PROSER1: variants seen among roughly 807,000 people sequenced by gnomAD.
PROSER1 encodes the protein proline and serine rich 1, also known as proline and serine-rich protein 1.
A neutral mutation model predicts 71.8 loss-of-function variants in PROSER1; 36 were observed. The observed-to-expected ratio is 0.50, with a 90% CI of 0.38 to 0.66. The LOEUF (loss-of-function observed/expected upper bound fraction) is 0.66. Among genes scored for constraint, PROSER1 ranks in the 30% least tolerant of loss-of-function variants. The pLI is 0.00. For missense variants in PROSER1, 1,107 were observed against 1,135.0 expected, an observed-to-expected ratio of 0.98 and a Z score of 0.35; for synonymous variants, 490 against 452.4, an observed-to-expected ratio of 1.08 and a Z score of -1.06.
intron 2 of PROSER1, among the ~76,000 whole-genome samples, chr13:39,033,408 C>G (rs760279742): frequency 2.6e-5 from 4 of 152,216 alleles, no homozygotes; most frequent in African/African-American, 7.2e-5. Flanking sequence ...CAATGAAAAG[C>G]TGGACCATTT....
At chr13:39,014,589 G>A in intron 10 of PROSER1, 113 bp from the exon 11 acceptor site, 1 of 782,626 alleles carries the variant, frequency 1.3e-6, no homozygotes, top group South Asian at 1.9e-5. Context: ...AATAAAAAAT[G>A]ACAAGTATAA....
intron 1 of PROSER1, among the ~76,000 whole-genome samples, chr13:39,034,744 T>C (rs1267695307): frequency 1.3e-5 from 2 of 152,180 alleles, no homozygotes; most frequent in Admixed American, 6.5e-5. Context: ...GTGTAGACTT[T>C]GAGAGGCATT....
chr13:39,015,013 T>A (rs989925030), intron 10 of PROSER1, among the ~76,000 whole-genome samples: 1 of 151,120 alleles, frequency 6.6e-6, no homozygotes, highest in Non-Finnish European at 1.5e-5. Flanking sequence ...CCCACCCCCA[T>A]ACATTTGCTC....
chr13:39,014,249 T>C lies in PROSER1; in HGVS notation c.1003A>G (p.Thr335Ala), dbSNP rs749078904. Residue 335 changes from threonine (T) to alanine (A), a missense_variant, in exon 11 of 13, where the codon ACA becomes GCA. Physicochemically the swap from Thr to Ala is moderately conservative, Grantham distance 58. Transcript: ENST00000352251. The stretch of plus-strand genomic sequence containing the variant: ...GGCAATGAAGGGGTTCTGATAACTG[T>C]TGGGTTTGGTATTGATGGCTGAGGT... ...HTPQPSIPNP[T>A]VIRTPSLPTA... 3.1e-6 allele frequency: 5 copies of C among 1,613,898 alleles called. No homozygotes were observed. In the South Asian group the frequency reaches 3.3e-5, roughly 11 times the overall value.
At chr13:39,031,742 C>T (rs1189386023) in intron 2 of PROSER1, 111 bp from the exon 3 acceptor site, 13 of 849,834 alleles carry the variant, frequency 1.5e-5, no homozygotes, top group Non-Finnish European at 2.5e-5. Context: ...CCAGGTGATA[C>T]AGGTGGCATT....
At position 39,026,296 on chromosome 13, in the gene PROSER1, C is replaced by T. The variant is rs769738396; in HGVS notation, c.461G>A (p.Arg154His). 23 of 1,609,578 alleles carry T rather than the reference C, an allele frequency of 1.4e-5. No individual in the cohort carries two copies. Among genetic ancestry groups the T allele is most frequent in the East Asian group, 2.2e-5 (1 of 44,804 alleles). Residue 154 changes from arginine to histidine, a missense_variant, in exon 6 of 13, where the codon CGC becomes CAC. Transcript: ENST00000352251. ...GCTTACTGGGAAAATTCCATTTATG[C>T]GGCTAGGTCTTCCTTTGGGATATGG... Reference protein sequence around the residue: ...GNPYPKGRPSRINGIFPGTPL... With the variant: ...GNPYPKGRPSHINGIFPGTPL...
rs953451068 is a variant in PROSER1, at chr13:39,013,467, T to A, written c.1785A>T (p.Ser595=). ...PHPGTSDLHI[S]STPAATTLPV... is the part of the protein sequence containing the mutation. ...GAAGAGTTGTTGCAGCAGGGGTAGATGAAATATGCAGATCTGAGGTACCTG... is the reference window on the plus strand; with the variant it reads ...GAAGAGTTGTTGCAGCAGGGGTAGAAGAAATATGCAGATCTGAGGTACCTG... The change falls in exon 11 of 13, where the codon TCA becomes TCT. Residue 595 remains serine, a synonymous_variant. Transcript: ENST00000352251. 6.2e-7 allele frequency: 1 copy of A among 1,613,922 alleles called. No individual in the cohort carries two copies. The highest frequency in any genetic ancestry group is 8.5e-7 in the Non-Finnish European group (1 of 1,179,986).
Position 39,014,179 on chromosome 13 carries a change from A to G in PROSER1, c.1073T>C (p.Val358Ala). ...TSIHSTTTTP[V>A]PSIFSGLVSL... ...CACTAGGCCAGAAAAAATGGAAGGAACAGGAGTGGTGGTTGTACTGTGGAT... is the reference window on the plus strand; with the variant it reads ...CACTAGGCCAGAAAAAATGGAAGGAGCAGGAGTGGTGGTTGTACTGTGGAT... The change falls in exon 11 of 13, where the codon GTT becomes GCT. Residue 358 changes from valine to alanine, a missense_variant. Val to Ala is a moderately conservative substitution (Grantham distance 64). Coordinates refer to ENST00000352251, the MANE Select transcript of PROSER1 (RefSeq NM_025138.5). 3 of 1,614,014 alleles carry G rather than the reference A, an allele frequency of 1.9e-6. No homozygotes were observed. Among genetic ancestry groups the G allele is most frequent in the African/African-American group, 2.7e-5 (2 of 74,986 alleles).
intron 2 of PROSER1, 63 bp downstream of exon 2, chr13:39,034,068 C>A (rs1870982117): frequency 1.7e-6 from 2 of 1,180,360 alleles, no homozygotes; most frequent in South Asian, 3.4e-5. Flanking sequence ...GGCCAGCAGA[C>A]AGACATTAAC....
chr13:39,012,580 C>T (rs1004918536), intron 11 of PROSER1, 111 bp downstream of exon 11: 6 of 933,302 alleles, frequency 6.4e-6, no homozygotes, highest in African/African-American at 5.0e-5. Flanking sequence ...AAGTTTTCAC[C>T]CAGAAAAACA....
chr13:39,035,502 G>A (rs1566030042), intron 1 of PROSER1, among the ~76,000 whole-genome samples: 1 of 152,172 alleles, frequency 6.6e-6, no homozygotes, highest in African/African-American at 2.4e-5. Flanking sequence ...GCGTTGTAAG[G>A]AGAATCAAAA....
chr13:39,034,139 T>G lies in PROSER1; in HGVS notation c.103A>C (p.Ser35Arg). The stretch of plus-strand genomic sequence containing the variant: ...CAAATAATGAGGAATACCTGTTCAC[T>G]AGAAAAGTATCCATGCACATATTCA... The part of the protein sequence containing the change: ...AIEYVHGYFS[S>R]EQVVDLLRYF... Residue 35 changes from serine (S) to arginine (R), a missense_variant, in exon 2 of 13, where the codon AGT (serine) becomes CGT (arginine). Transcript: ENST00000352251. 1 of 1,578,580 alleles carries G rather than the reference T, an allele frequency of 6.3e-7. No homozygotes were observed. The highest frequency in any genetic ancestry group is 1.2e-5 in the South Asian group (1 of 84,404).
At chr13:39,023,793 A>G (rs1870412862) in intron 7 of PROSER1, 1 of 152,456 alleles carries the variant, frequency 6.6e-6, no homozygotes, top group African/African-American at 2.4e-5. Context: ...ATCTGAAGCT[A>G]AGCCAGATGC....
chr13:39,026,797 C>A (rs1315362858), intron 5 of PROSER1, among the ~76,000 whole-genome samples: 1 of 152,096 alleles, frequency 6.6e-6, no homozygotes, highest in Admixed American at 6.5e-5. Context: ...TCTTTACAAC[C>A]CAGTGGAGGA....
intron 6 of PROSER1, among the ~76,000 whole-genome samples, chr13:39,025,056 T>A (rs1187401303): frequency 1.3e-5 from 2 of 152,158 alleles, no homozygotes; most frequent in African/African-American, 2.4e-5. Flanking sequence ...ATACAGTATG[T>A]TCTGATTTTT....
chr13:39,012,283 C>G (rs745766473), intron 11 of PROSER1, 50 bp from the exon 12 acceptor site: 26 of 1,547,356 alleles, frequency 1.7e-5, no homozygotes, highest in Admixed American at 3.6e-5. Flanking sequence ...GACATAAAAG[C>G]TACTGTTTCC....
At chr13:39,026,191 T>G in intron 6 of PROSER1, 86 bp downstream of exon 6, 1 of 819,748 alleles carries the variant, frequency 1.2e-6, no homozygotes, top group Non-Finnish European at 2.0e-6. Context: ...GACATAAAAT[T>G]CCTTTCCTTT....
chr13:39,031,617 C>G lies in PROSER1; in HGVS notation c.126G>C (p.Leu42=). The change falls in exon 3 of 13, where the codon CTG becomes CTC. Residue 42 remains leucine (L), a synonymous_variant. Coordinates refer to ENST00000352251, the MANE Select transcript of PROSER1 (RefSeq NM_025138.5). Reference sequence around the variant, plus strand: ...GGGGCTCGGCCCAGGAAAAATATCTCAGCAAATCAACCACCTGAAAACAAA... The same window carrying G: ...GGGGCTCGGCCCAGGAAAAATATCTGAGCAAATCAACCACCTGAAAACAAA... ...YFSSEQVVDL[L]RYFSWAEPQL... 1 of 1,613,250 alleles carries G rather than the reference C, an allele frequency of 6.2e-7. No individual in the cohort carries two copies. The highest frequency in any genetic ancestry group is 8.5e-7 in the Non-Finnish European group (1 of 1,179,672).
chr13:39,037,187 G>A lies in PROSER1; in HGVS notation c.45+11C>T. The A allele has an allele frequency of 1.3e-6, 2 of 1,568,548 alleles. No homozygotes were observed. Among genetic ancestry groups the A allele is most frequent in the East Asian group, 2.2e-5 (1 of 44,642 alleles). ...ATCTCATAAAATAATTCATGGAATC[G>A]GTCTAATTACCTTTCTAATTTCATC... On this transcript the variant is annotated intron_variant, in intron 1 of 12. Transcript: ENST00000352251.
Sources: allele counts gnomAD v4.1 joint callset (sites outside exome capture counted in the v4.1 genomes callset), GRCh38; gene constraint gnomAD v4.1.1; transcripts MANE v1.5; gene names NCBI Gene and HGNC (gene_info 2026-07-23, HGNC 2026-07-21).